Variants in ATXN7 observed in about 807,000 individuals in gnomAD.
ATXN7 encodes ataxin 7.
A neutral mutation model predicts 70.5 loss-of-function variants in ATXN7; 12 were observed. The observed-to-expected ratio is 0.17, with a 90% CI of 0.11 to 0.28. ATXN7 has a LOEUF of 0.28. Ranked by LOEUF, ATXN7 falls within the 10% of genes least tolerant of loss-of-function variation. The pLI is 1.00. For missense variants in ATXN7, 1,256 were observed against 1,131.7 expected, an observed-to-expected ratio of 1.11 and a Z score of -1.58; for synonymous variants, 498 against 448.7, an observed-to-expected ratio of 1.11 and a Z score of -1.39.
chr3:63,976,481 GT>G (rs1412665197), intron 5 of ATXN7, among the ~76,000 whole-genome samples: 1 of 152,102 alleles, frequency 6.6e-6, no homozygotes, highest in East Asian at 1.9e-4. Context: ...GTCATTCTTA[GT>G]TTTTAAATAG....
chr3:63,953,652 A>C (rs900687534), intron 5 of ATXN7, among the ~76,000 whole-genome samples: 1 of 148,930 alleles, frequency 6.7e-6, no homozygotes, highest in Non-Finnish European at 1.5e-5. Flanking sequence ...GCTTTGAGAT[A>C]CTTCTTTTTT....
intron 5 of ATXN7, among the ~76,000 whole-genome samples, chr3:63,954,675 A>C (rs905886706): frequency 3.4e-5 from 5 of 148,784 alleles, no homozygotes; most frequent in African/African-American, 1.2e-4. Flanking sequence ...CTCTTAGAAT[A>C]TCAGTGTACG....
At chr3:63,976,230 G>A (rs564782690) in intron 5 of ATXN7, among the ~76,000 whole-genome samples, 1 of 152,242 alleles carries the variant, frequency 6.6e-6, no homozygotes, top group South Asian at 2.1e-4. Flanking sequence ...TAAGAGCTCA[G>A]TGAAAGGATA....
At chr3:63,929,587 A>G (rs1267305338) in intron 4 of ATXN7, among the ~76,000 whole-genome samples, 5 of 152,100 alleles carry the variant, frequency 3.3e-5, no homozygotes, top group Non-Finnish European at 5.9e-5. Context: ...TCTTTTGAGA[A>G]TTAGAATTGT....
chr3:63,980,311 T>A, intron 6 of ATXN7, 144 bp downstream of exon 6: 1 of 1,172,724 alleles, frequency 8.5e-7, no homozygotes, highest in Non-Finnish European at 1.2e-6. Flanking sequence ...TGTTTCTTGA[T>A]GTTTCCCTGT....
chr3:63,869,880 T>C (rs1005913641), intron 1 of ATXN7, among the ~76,000 whole-genome samples: 2 of 152,226 alleles, frequency 1.3e-5, no homozygotes, highest in Non-Finnish European at 2.9e-5. Flanking sequence ...CTATTGGACT[T>C]CTCCATTGTT....
chr3:64,001,370 C>T lies in ATXN7; in HGVS notation c.*1903C>T, dbSNP rs1192601712. 6.6e-6 allele frequency: 1 copy of T among 152,152 alleles called. No homozygotes were observed. Among genetic ancestry groups the T allele is most frequent in the East Asian group, 1.9e-4 (1 of 5,184 alleles). The allele number at this position is 152,152 out of a possible 1,614,324, so 9.4% of individuals were successfully genotyped here. A position where few individuals can be genotyped will look rare whatever the true frequency, so the allele number is the denominator to read the frequency against. On this transcript the variant is annotated 3_prime_UTR_variant, in exon 13 of 13. Transcript: ENST00000674280. ...TTTGGCATAGTTGGGAGAAATCAGTCTGGTTTCCATCCCAGTCGGGGAAGA... is the reference window on the plus strand; with the variant it reads ...TTTGGCATAGTTGGGAGAAATCAGTTTGGTTTCCATCCCAGTCGGGGAAGA...
At chr3:63,965,980 C>T (rs1011955156) in intron 5 of ATXN7, among the ~76,000 whole-genome samples, 21 of 152,108 alleles carry the variant, frequency 1.4e-4, no homozygotes, top group African/African-American at 4.3e-4. Context: ...TAAATATAGA[C>T]GTTTGTTTGT....
At position 63,974,651 on chromosome 3, in the gene ATXN7, T is replaced by G. The variant is rs375211981; in HGVS notation, c.500-5264T>G. ...ACTTTGTTAGAAAGATGGTCAGGAT[T>G]GAATGAGATAATCCATGTAAATCCC... On this transcript the variant is annotated intron_variant, in intron 5 of 12. Coordinates refer to ENST00000674280, the MANE Select transcript of ATXN7 (RefSeq NM_001377405.1). 9.8e-5 allele frequency among the ~76,000 whole-genome samples: 15 copies of G among 152,346 alleles called. No homozygotes were observed. In the South Asian group the frequency reaches 2.9e-3, roughly 29 times the overall value.
At chr3:63,950,410 AAAACT>A (rs1453896073) in intron 4 of ATXN7, among the ~76,000 whole-genome samples, 1 of 152,224 alleles carries the variant, frequency 6.6e-6, no homozygotes, top group African/African-American at 2.4e-5. Flanking sequence ...GCAGAGACCT[AAAACT>A]AAACTAACAC....
intron 1 of ATXN7, among the ~76,000 whole-genome samples, chr3:63,883,791 T>C (rs1239979992): frequency 6.6e-6 from 1 of 152,138 alleles, no homozygotes; most frequent in African/African-American, 2.4e-5. Context: ...CCTTATTGCA[T>C]AGAATAGCAA....
chr3:63,965,484 T>C (rs1294980856), intron 5 of ATXN7, among the ~76,000 whole-genome samples: 3 of 152,182 alleles, frequency 2.0e-5, no homozygotes, highest in South Asian at 4.1e-4. Context: ...TAGAGTAAAA[T>C]TGACATGTGT....
rs1197113926 is a variant in ATXN7 at position 63,996,359 on chromosome 3, T to C, written c.2537T>C (p.Ile846Thr). ...AAGTGCTCACCCAGCTCGAGCAGCA[T>C]CAACAACAGCAGCAGCAAACCCACA... Reference protein sequence around the residue: ...KRKCSPSSSSINNSSSKPTKV... With the variant: ...KRKCSPSSSSTNNSSSKPTKV... Residue 846 changes from isoleucine (I) to threonine (T), a missense_variant, in exon 12 of 13, where the codon ATC (isoleucine) becomes ACC (threonine). Ile to Thr is a moderately conservative substitution (Grantham distance 89). Transcript: ENST00000674280. 3.7e-6 allele frequency: 6 copies of C among 1,613,962 alleles called. No individual in the cohort carries two copies. The African/African-American group carries it at 6.7e-5, about 18-fold the overall frequency.
rs1237086299 is a variant in ATXN7 at position 63,913,138 on chromosome 3, G to A, written c.326-19G>A. On this transcript the variant is annotated intron_variant, in intron 3 of 12. Coordinates refer to ENST00000674280, the MANE Select transcript of ATXN7 (RefSeq NM_001377405.1). ...ACTGACCTGCCTCTCCCCTCCTCCTGTGTGTGTATATCTCCTAGGGACAGA... is the reference window on the plus strand; with the variant it reads ...ACTGACCTGCCTCTCCCCTCCTCCTATGTGTGTATATCTCCTAGGGACAGA... 4 of 1,611,568 alleles carry A rather than the reference G, an allele frequency of 2.5e-6. No individual in the cohort carries two copies. In the East Asian group the frequency reaches 6.7e-5, roughly 27 times the overall value.
rs1704077278 is a variant in ATXN7 at position 63,912,644 on chromosome 3, G to A, written c.46G>A (p.Ala16Thr). The change falls in exon 3 of 13, where the codon GCG becomes ACG. Residue 16 changes from alanine (A) to threonine (T), a missense_variant. Ala to Thr is a moderately conservative substitution (Grantham distance 58). Transcript: ENST00000674280. ...TGACGTCAGGGGGGAGCCGCGCCGC[G>A]CGGCGGCGGCGGCGGGCGGAGCAGC... ...ADDVRGEPRRAAAAAGGAAAA... is the reference protein window; with the variant it reads ...ADDVRGEPRRTAAAAGGAAAA... The A allele has an allele frequency of 5.1e-6, 5 of 989,118 alleles. No homozygotes were observed. Among genetic ancestry groups the A allele is most frequent in the Non-Finnish European group, 4.9e-6 (4 of 819,876 alleles). The allele number at this position is 989,118 out of a possible 1,614,324, so 61.3% of individuals were successfully genotyped here. A position where few individuals can be genotyped will look rare whatever the true frequency, so the allele number is the denominator to read the frequency against.
intron 2 of ATXN7, chr3:63,901,178 T>G (rs1703627690): frequency 1.3e-5 from 2 of 152,258 alleles, no homozygotes; most frequent in Admixed American, 1.3e-4. Context: ...TGTATTCTTT[T>G]AAAATATGTA....
chr3:63,864,750 G>C (rs1702355624), intron 1 of ATXN7: 1 of 152,212 alleles, frequency 6.6e-6, no homozygotes, highest in Non-Finnish European at 1.5e-5. Flanking sequence ...TATCTTAAGG[G>C]GAAGTTGAAA....
intron 4 of ATXN7, among the ~76,000 whole-genome samples, chr3:63,918,455 A>T (rs1438478159): frequency 6.6e-6 from 1 of 152,236 alleles, no homozygotes. Context: ...ACAATTTGAA[A>T]CATACAAAGT....
At chr3:63,880,071 G>A (rs190006451) in intron 1 of ATXN7, among the ~76,000 whole-genome samples, 155 of 152,140 alleles carry the variant, frequency 1.0e-3, no homozygotes, top group Admixed American at 2.0e-3. Context: ...GGGCAACAGA[G>A]CAAGACTCCG....
Sources: allele counts gnomAD v4.1 joint callset (sites outside exome capture counted in the v4.1 genomes callset), GRCh38; gene constraint gnomAD v4.1.1; transcripts MANE v1.5; gene names NCBI Gene and HGNC (gene_info 2026-07-23, HGNC 2026-07-21).